Variants in CNGA1 observed in about 807,000 individuals in gnomAD.
CNGA1 encodes the protein cyclic nucleotide-gated channel alpha-1.
Under a neutral mutation model 69.7 loss-of-function variants are expected in CNGA1, and 53 were observed. That is an observed-to-expected ratio of 0.76 (90% CI 0.61 to 0.96). CNGA1 has a LOEUF of 0.96. CNGA1 is among the 40% of genes least tolerant of loss of function. The probability of loss-of-function intolerance (pLI) is 0.00; values close to 1 mark genes in which losing one functional copy is unlikely to be tolerated. For synonymous variants in CNGA1, 249 were observed against 283.5 expected, an observed-to-expected ratio of 0.88 and a Z score of 1.22; for missense variants, 739 against 811.2, an observed-to-expected ratio of 0.91 and a Z score of 1.08.
chr4:48,007,923 A>G (rs367664430), intron 2 of CNGA1, among the ~76,000 whole-genome samples: 2 of 152,190 alleles, frequency 1.3e-5, no homozygotes, highest in East Asian at 3.8e-4. Context: ...GAAGGAAACC[A>G]TTATTATTTC....
intron 3 of CNGA1, among the ~76,000 whole-genome samples, chr4:47,974,211 T>A (rs1051224449): frequency 6.6e-6 from 1 of 152,208 alleles, no homozygotes; most frequent in Non-Finnish European, 1.5e-5. Context: ...TCATACATTT[T>A]ATTTTAAAAC....
At position 47,967,322 on chromosome 4, in the gene CNGA1, CAAA is replaced by C. The variant is rs887020776; in HGVS notation, c.-15+14068_-15+14070del. On this transcript the variant is annotated intron_variant, in intron 3 of 10. Transcript: ENST00000514170. The stretch of plus-strand genomic sequence containing the variant: ...TGTCTCAAAAAACAAAAAAACAAAA[CAAA>C]AAAAAAGAAACTACAGTTGACATTA... 2.0e-5 allele frequency among the ~76,000 whole-genome samples: 3 copies of C among 149,614 alleles called. No individual in the cohort carries two copies. In the South Asian group the frequency reaches 6.3e-4, roughly 32 times the overall value.
At chr4:48,002,925 CTTA>C (rs1200033005) in intron 2 of CNGA1, among the ~76,000 whole-genome samples, 3 of 152,062 alleles carry the variant, frequency 2.0e-5, no homozygotes, top group African/African-American at 7.2e-5. Flanking sequence ...TAGGATAAGA[CTTA>C]TTATCATTTA....
chr4:47,953,654 A>G (rs1273454563), intron 3 of CNGA1, among the ~76,000 whole-genome samples: 1 of 152,170 alleles, frequency 6.6e-6, no homozygotes, highest in African/African-American at 2.4e-5. Context: ...TGGAATTTCA[A>G]TTCACTTTCC....
intron 2 of CNGA1, among the ~76,000 whole-genome samples, chr4:47,989,364 T>C (rs1427196370): frequency 6.6e-6 from 1 of 152,198 alleles, no homozygotes; most frequent in Admixed American, 6.5e-5. Flanking sequence ...TAATTTTATA[T>C]GAAATCTGTC....
chr4:47,950,683 G>A (rs73147926), intron 5 of CNGA1, among the ~76,000 whole-genome samples: 1,947 of 152,238 alleles, frequency 0.013, 33 homozygotes, highest in African/African-American at 0.044. Flanking sequence ...AGTAAAGAAA[G>A]AGTAATTATG....
At chr4:48,002,934 A>T (rs574299701) in intron 2 of CNGA1, among the ~76,000 whole-genome samples, 26 of 152,284 alleles carry the variant, frequency 1.7e-4, no homozygotes, top group Admixed American at 5.9e-4. Flanking sequence ...ACTTATTATC[A>T]TTTAAACCAT....
Position 47,936,069 on chromosome 4 carries a change from G to T in CNGA1, c.*352C>A. ...GGTAATTCTCAGTTACTTCAAATAC[G>T]CTTCACTCAACAATGGAAATGGCAT... On this transcript the variant is annotated 3_prime_UTR_variant, in exon 11 of 11. Transcript: ENST00000514170. 3.5e-6 allele frequency: 1 copy of T among 285,170 alleles called. No individual in the cohort carries two copies. The highest frequency in any genetic ancestry group is 6.7e-6 in the Non-Finnish European group (1 of 150,210). 17.7% of individuals were successfully genotyped at this position (285,170 alleles called of 1,614,324 possible).
At chr4:47,968,464 A>C (rs1365194721) in intron 3 of CNGA1, among the ~76,000 whole-genome samples, 1 of 152,144 alleles carries the variant, frequency 6.6e-6, no homozygotes, top group Non-Finnish European at 1.5e-5. Context: ...AAATCAGCCA[A>C]TCAGAAAAAC....
intron 3 of CNGA1, among the ~76,000 whole-genome samples, chr4:47,955,946 A>G (rs1740060080): frequency 6.6e-6 from 1 of 152,250 alleles, no homozygotes; most frequent in African/African-American, 2.4e-5. Flanking sequence ...GAAGTTATGA[A>G]AACTCACTAA....
rs370443580 is a variant in CNGA1, at chr4:47,952,603, C to T, written c.87G>A (p.Arg29=). The change falls in exon 4 of 11, where the codon AGG becomes AGA. Residue 29 remains arginine (R), a synonymous_variant. Coordinates refer to ENST00000514170, the MANE Select transcript of CNGA1 (RefSeq NM_001379270.1). The part of the protein sequence containing the change: ...IVPDIEKEIR[R]MENGACSSFS... ...TTTACCTGCATGCTCCATTTTCCAT[C>T]CTTCGTATTTCCTTTTCAATATCTG... 5 of 1,611,958 alleles carry T rather than the reference C, an allele frequency of 3.1e-6. No homozygotes were observed. The highest frequency in any genetic ancestry group is 4.2e-6 in the Non-Finnish European group (5 of 1,178,766).
At chr4:47,946,168 G>A (rs148156662) in intron 6 of CNGA1, among the ~76,000 whole-genome samples, 1 of 152,264 alleles carries the variant, frequency 6.6e-6, no homozygotes, top group Non-Finnish European at 1.5e-5. Context: ...CCTAATGCAT[G>A]CAGGGGTGGT....
chr4:47,952,879 G>T, intron 3 of CNGA1, 176 bp from the exon 4 acceptor site: 1 of 373,434 alleles, frequency 2.7e-6, no homozygotes, highest in Non-Finnish European at 4.7e-6. Context: ...CATGGCTAGG[G>T]GGAGCCTCAC....
chr4:48,015,302 G>A (rs1421387005), intron 1 of CNGA1, among the ~76,000 whole-genome samples: 4 of 152,142 alleles, frequency 2.6e-5, no homozygotes, highest in Non-Finnish European at 5.9e-5. Flanking sequence ...TCCACTCTCC[G>A]TGGTGTTCCT....
chr4:47,966,670 C>T (rs543879376), intron 3 of CNGA1, among the ~76,000 whole-genome samples: 1 of 152,278 alleles, frequency 6.6e-6, no homozygotes, highest in East Asian at 1.9e-4. Flanking sequence ...GGAAAGGCTT[C>T]AAGGTTGCTG....
intron 3 of CNGA1, among the ~76,000 whole-genome samples, chr4:47,962,850 C>T (rs1255055465): frequency 1.3e-5 from 2 of 151,868 alleles, no homozygotes; most frequent in African/African-American, 4.8e-5. Context: ...CACTGAACCT[C>T]AAAGAGAAAA....
intron 6 of CNGA1, among the ~76,000 whole-genome samples, chr4:47,945,413 C>T (rs1396067626): frequency 6.6e-6 from 1 of 152,128 alleles, no homozygotes; most frequent in Non-Finnish European, 1.5e-5. Flanking sequence ...GAACCTATGA[C>T]CATTACTTAG....
chr4:47,997,200 T>C (rs1189478450), intron 2 of CNGA1, among the ~76,000 whole-genome samples: 1 of 152,244 alleles, frequency 6.6e-6, no homozygotes, highest in Admixed American at 6.5e-5. Context: ...GCTTTCAATT[T>C]AGCTTTCTCA....
At position 47,990,828 on chromosome 4, in the gene CNGA1, C is replaced by T. The variant is rs550363662; in HGVS notation, c.-122-9328G>A. On this transcript the variant is annotated intron_variant, in intron 2 of 10. Coordinates refer to ENST00000514170, the MANE Select transcript of CNGA1 (RefSeq NM_001379270.1). ...ACGTTGAAATATGGGGGCTGGTTCC[C>T]CCAAAACATTCTTATGCTTTTGCAT... is the stretch of plus-strand genomic sequence containing the variant. 4.6e-4 allele frequency among the ~76,000 whole-genome samples: 70 copies of T among 152,260 alleles called. 1 individual carries two copies. The highest frequency in any genetic ancestry group is 8.5e-4 in the Admixed American group (13 of 15,286).
Sources: gnomAD v4.1 joint callset for allele counts (sites outside exome capture counted in the v4.1 genomes callset) on GRCh38, gnomAD v4.1.1 for gene constraint, MANE v1.5 for transcripts, NCBI Gene and HGNC (gene_info 2026-07-23, HGNC 2026-07-21) for gene names.